Variants in LRRC4C observed in about 807,000 individuals in gnomAD.
LRRC4C encodes leucine-rich repeat-containing protein 4C.
In LRRC4C, 5 loss-of-function variants were observed where a neutral mutation model predicts 33.6. That is an observed-to-expected ratio of 0.15 (90% CI 0.08 to 0.31). The LOEUF (loss-of-function observed/expected upper bound fraction) is 0.31. Among genes scored for constraint, LRRC4C ranks in the 10% least tolerant of loss-of-function variants. LRRC4C has a pLI of 1.00. For synonymous variants in LRRC4C, 329 were observed against 302.0 expected (o/e 1.09, Z -0.93); for missense variants, 560 against 796.7 (o/e 0.70, Z 3.58).
intron 3 of LRRC4C, among the ~76,000 whole-genome samples, chr11:40,611,707 C>G (rs1019772366): frequency 6.6e-6 from 1 of 151,628 alleles, no homozygotes; most frequent in African/African-American, 2.4e-5. Flanking sequence ...GTGCAAAGGG[C>G]TTGGATAGAC....
intron 4 of LRRC4C, among the ~76,000 whole-genome samples, chr11:40,274,990 T>C (rs895498825): frequency 1.3e-5 from 2 of 152,166 alleles, no homozygotes; most frequent in African/African-American, 4.8e-5. Flanking sequence ...AAGTGAATAA[T>C]AGACATGGTG....
chr11:41,310,479 C>T (rs1381300893), intron 1 of LRRC4C, among the ~76,000 whole-genome samples: 1 of 152,190 alleles, frequency 6.6e-6, no homozygotes, highest in African/African-American at 2.4e-5. Context: ...ATCAACTTTT[C>T]TAATTTCTGA....
intron 3 of LRRC4C, among the ~76,000 whole-genome samples, chr11:40,341,911 A>G (rs1053245570): frequency 6.6e-6 from 1 of 152,052 alleles, no homozygotes; most frequent in Admixed American, 6.6e-5. Flanking sequence ...TCCTTATTAC[A>G]AATATTTTTC....
intron 2 of LRRC4C, among the ~76,000 whole-genome samples, chr11:40,894,378 G>A (rs138381215): frequency 3.0e-4 from 45 of 152,152 alleles, no homozygotes; most frequent in Non-Finnish European, 5.4e-4. Flanking sequence ...ATGTTCCAGC[G>A]TTAAGTTTTC....
At chr11:40,302,716 G>A (rs1055743467) in intron 4 of LRRC4C, among the ~76,000 whole-genome samples, 1 of 152,154 alleles carries the variant, frequency 6.6e-6, no homozygotes, top group Non-Finnish European at 1.5e-5. Flanking sequence ...AGTGGGTTCT[G>A]TATATACTAT....
intron 4 of LRRC4C, among the ~76,000 whole-genome samples, chr11:40,248,555 A>C (rs1866523651): frequency 2.0e-5 from 3 of 152,154 alleles, no homozygotes; most frequent in South Asian, 4.2e-4. Context: ...ACATAGGAAG[A>C]CCACAGGCAT....
chr11:40,624,783 A>G (rs944294525), intron 3 of LRRC4C, among the ~76,000 whole-genome samples: 1 of 152,194 alleles, frequency 6.6e-6, no homozygotes, highest in Non-Finnish European at 1.5e-5. Context: ...TTGAAGATCT[A>G]AGATCTAATT....
At chr11:41,154,100 G>T (rs1944121037) in intron 1 of LRRC4C, among the ~76,000 whole-genome samples, 1 of 152,148 alleles carries the variant, frequency 6.6e-6, no homozygotes, top group African/African-American at 2.4e-5. Flanking sequence ...AGAACTATAA[G>T]AGAATAAATT....
At chr11:41,107,215 A>C (rs917245971) in intron 1 of LRRC4C, among the ~76,000 whole-genome samples, 1 of 151,988 alleles carries the variant, frequency 6.6e-6, no homozygotes, top group African/African-American at 2.4e-5. Flanking sequence ...GAGCATTTGG[A>C]TTTTAGATGT....
At chr11:40,623,209 G>A (rs1456446661) in intron 3 of LRRC4C, among the ~76,000 whole-genome samples, 1 of 151,794 alleles carries the variant, frequency 6.6e-6, no homozygotes, top group African/African-American at 2.4e-5. Context: ...ATTTTCAGCT[G>A]AAAGAATATC....
At chr11:41,032,742 A>G (rs1408455176) in intron 1 of LRRC4C, among the ~76,000 whole-genome samples, 2 of 152,072 alleles carry the variant, frequency 1.3e-5, no homozygotes, top group African/African-American at 2.4e-5. Flanking sequence ...AAACACAAGC[A>G]GTAATACATT....
chr11:40,866,444 A>G (rs76167866), intron 2 of LRRC4C, among the ~76,000 whole-genome samples: 1 of 152,304 alleles, frequency 6.6e-6, no homozygotes, highest in East Asian at 1.9e-4. Flanking sequence ...GCTATAATTA[A>G]GATGGCATGA....
At chr11:41,198,174 A>G (rs1214025316) in intron 1 of LRRC4C, among the ~76,000 whole-genome samples, 1 of 152,022 alleles carries the variant, frequency 6.6e-6, no homozygotes, top group Non-Finnish European at 1.5e-5. Context: ...TTTTTGAACC[A>G]TTAAAACCAT....
intron 5 of LRRC4C, among the ~76,000 whole-genome samples, chr11:40,163,282 A>G (rs566275883): frequency 6.6e-6 from 1 of 152,326 alleles, no homozygotes; most frequent in Admixed American, 6.5e-5. Context: ...GTTTCACATT[A>G]TCTTGAAGGT....
At chr11:40,394,911 A>G (rs924888067) in intron 3 of LRRC4C, among the ~76,000 whole-genome samples, 1 of 152,110 alleles carries the variant, frequency 6.6e-6, no homozygotes, top group Non-Finnish European at 1.5e-5. Flanking sequence ...TTTCCTATCA[A>G]CCTTGACGGC....
In LRRC4C at chr11:40,894,946, A is replaced by G. The variant is rs770415433; in HGVS notation, c.-407+38689T>C. Among the ~76,000 whole-genome samples the G allele has an allele frequency of 6.0e-4, 92 of 152,122 alleles. 1 individual carries two copies. Among genetic ancestry groups the G allele is most frequent in the Non-Finnish European group, 7.9e-4 (54 of 67,996 alleles). On this transcript the variant is annotated intron_variant, in intron 2 of 6. Coordinates refer to ENST00000528697, the MANE Select transcript of LRRC4C (RefSeq NM_001258419.2). ...TTTTGTAAGCTCCATGAATGTAGCTATCTTTTCATCTTAGCCCCTCTAACT... is the reference window on the plus strand; with the variant it reads ...TTTTGTAAGCTCCATGAATGTAGCTGTCTTTTCATCTTAGCCCCTCTAACT...
chr11:40,120,680 GTC>G (rs1477646612), intron 6 of LRRC4C, among the ~76,000 whole-genome samples: 2 of 151,986 alleles, frequency 1.3e-5, no homozygotes, highest in Non-Finnish European at 2.9e-5. Flanking sequence ...GAATCCTAGG[GTC>G]TCAGGCAAAA....
At chr11:40,649,939 A>C (rs1270285666) in intron 2 of LRRC4C, among the ~76,000 whole-genome samples, 1 of 152,226 alleles carries the variant, frequency 6.6e-6, no homozygotes, top group Admixed American at 6.5e-5. Context: ...TAATAAGTCC[A>C]TTTAAACTGA....
chr11:41,022,827 TA>T (rs1245693941), intron 1 of LRRC4C, among the ~76,000 whole-genome samples: 1 of 151,988 alleles, frequency 6.6e-6, no homozygotes, highest in African/African-American at 2.4e-5. Flanking sequence ...AAATACATTT[TA>T]GAAGCTATAA....
Sources: allele counts gnomAD v4.1 joint callset (sites outside exome capture counted in the v4.1 genomes callset), GRCh38; gene constraint gnomAD v4.1.1; transcripts MANE v1.5; gene names NCBI Gene and HGNC (gene_info 2026-07-23, HGNC 2026-07-21).